Variants in GPR158 observed in about 807,000 individuals in gnomAD.
GPR158 encodes metabotropic glycine receptor.
A neutral mutation model predicts 78.2 loss-of-function variants in GPR158; 30 were observed. That is an observed-to-expected ratio of 0.38 (90% CI 0.29 to 0.52). The LOEUF (loss-of-function observed/expected upper bound fraction) is 0.52. Ranked by LOEUF, GPR158 falls within the 20% of genes least tolerant of loss-of-function variation. The pLI, the probability that GPR158 is intolerant of heterozygous loss-of-function variation, is 0.83. For synonymous variants in GPR158, 581 were observed against 591.1 expected (o/e 0.98, Z 0.25); for missense variants, 1,463 against 1,523.5 (o/e 0.96, Z 0.66).
In GPR158 at chr10:25,351,107, T is replaced by G. The variant is rs993728121; in HGVS notation, c.1009-44804T>G. On this transcript the variant is annotated intron_variant, in intron 2 of 10. Coordinates refer to ENST00000376351, the MANE Select transcript of GPR158 (RefSeq NM_020752.3). ...CAGCCTGTGAGCCTGAACGCGTGGC[T>G]ATTTATAGAGAAGGGCAGGCACCCC... 1.1e-4 allele frequency among the ~76,000 whole-genome samples: 16 copies of G among 152,120 alleles called. No homozygotes were observed. The East Asian group carries it at 2.1e-3, about 20-fold the overall frequency.
rs368827929 is a variant in GPR158 at position 25,268,069 on chromosome 10, C to A, written c.1008+46912C>A. Among the ~76,000 whole-genome samples, 30 of 151,872 alleles carry A rather than the reference C, an allele frequency of 2.0e-4. No homozygotes were observed. The East Asian group carries it at 5.6e-3, about 28-fold the overall frequency. ...CAAGTCTTTTTTTTGCAAGCAGTAA[C>A]CTTAAGTGGAATGCATGCAAAGTGT... On this transcript the variant is annotated intron_variant, in intron 2 of 10. Coordinates refer to ENST00000376351, the MANE Select transcript of GPR158 (RefSeq NM_020752.3).
intron 4 of GPR158, among the ~76,000 whole-genome samples, chr10:25,453,468 G>A (rs1319618552): frequency 6.6e-6 from 1 of 151,994 alleles, no homozygotes; most frequent in East Asian, 1.9e-4. Context: ...TTGTATCTTT[G>A]TTTTTCTTCA....
At chr10:25,581,049 C>T (rs977468201) in intron 7 of GPR158, among the ~76,000 whole-genome samples, 8 of 149,856 alleles carry the variant, frequency 5.3e-5, no homozygotes, top group Non-Finnish European at 8.9e-5. Context: ...CTCAGCCTCC[C>T]GAGTAGCTGG....
intron 2 of GPR158, among the ~76,000 whole-genome samples, chr10:25,255,560 C>G (rs538965030): frequency 1.1e-4 from 17 of 152,242 alleles, no homozygotes; most frequent in African/African-American, 3.9e-4. Context: ...GAATTAACTC[C>G]CTTGTGGTTA....
At chr10:25,363,424 G>A (rs943959427) in intron 2 of GPR158, among the ~76,000 whole-genome samples, 2 of 151,886 alleles carry the variant, frequency 1.3e-5, no homozygotes, top group Non-Finnish European at 2.9e-5. Context: ...GACCTAAGAT[G>A]AATTGTTACT....
At chr10:25,546,053 G>A (rs1225920751) in intron 5 of GPR158, among the ~76,000 whole-genome samples, 1 of 152,134 alleles carries the variant, frequency 6.6e-6, no homozygotes, top group East Asian at 1.9e-4. Context: ...GAGGGATGCT[G>A]GAGAGAGTCA....
chr10:25,328,441 T>C (rs1855066532), intron 2 of GPR158, among the ~76,000 whole-genome samples: 1 of 152,140 alleles, frequency 6.6e-6, no homozygotes, highest in South Asian at 2.1e-4. Flanking sequence ...ATAATATATA[T>C]GTACTAACAT....
chr10:25,298,483 C>T (rs1045092572), intron 2 of GPR158, among the ~76,000 whole-genome samples: 1 of 152,140 alleles, frequency 6.6e-6, no homozygotes, highest in African/African-American at 2.4e-5. Context: ...AATATTAATG[C>T]ATATTTTAAA....
chr10:25,411,174 T>A (rs1834579981), intron 3 of GPR158, among the ~76,000 whole-genome samples: 1 of 151,854 alleles, frequency 6.6e-6, no homozygotes, highest in Admixed American at 6.6e-5. Context: ...TTAAAGATAA[T>A]CTTTACCTGT....
intron 6 of GPR158, among the ~76,000 whole-genome samples, chr10:25,566,419 A>C (rs1260709415): frequency 6.6e-6 from 1 of 152,178 alleles, no homozygotes; most frequent in Non-Finnish European, 1.5e-5. Flanking sequence ...GCCCCTACTC[A>C]ACCCAGGAAG....
At chr10:25,291,237 C>T (rs999067797) in intron 2 of GPR158, among the ~76,000 whole-genome samples, 1 of 151,496 alleles carries the variant, frequency 6.6e-6, no homozygotes, top group Non-Finnish European at 1.5e-5. Flanking sequence ...AAGGGAAGGG[C>T]AGGATAAAAT....
At chr10:25,546,080 GC>G (rs778615671) in intron 5 of GPR158, among the ~76,000 whole-genome samples, 36 of 152,110 alleles carry the variant, frequency 2.4e-4, no homozygotes, top group Non-Finnish European at 4.6e-4. Flanking sequence ...CCCGCCCTGA[GC>G]TGAGACATGC....
chr10:25,296,852 A>G (rs74920365), intron 2 of GPR158, among the ~76,000 whole-genome samples: 5,523 of 152,290 alleles, frequency 0.036, 340 homozygotes, highest in African/African-American at 0.13. Flanking sequence ...TTCCAGGCTG[A>G]ATCCACTGCC....
intron 5 of GPR158, among the ~76,000 whole-genome samples, chr10:25,485,422 G>T (rs1238730011): frequency 6.6e-6 from 1 of 151,976 alleles, no homozygotes; most frequent in Non-Finnish European, 1.5e-5. Context: ...ACCCTAAAAA[G>T]ATCCAGAGCC....
intron 2 of GPR158, among the ~76,000 whole-genome samples, chr10:25,311,873 C>T (rs1352788293): frequency 6.6e-6 from 1 of 151,778 alleles, no homozygotes; most frequent in Non-Finnish European, 1.5e-5. Context: ...GCTAAGAAAA[C>T]CCTATGTTTT....
chr10:25,594,479 G>A, intron 9 of GPR158, 82 bp downstream of exon 9: 1 of 570,396 alleles, frequency 1.8e-6, no homozygotes, highest in Non-Finnish European at 3.1e-6. Context: ...GCAAAAGGAG[G>A]TATGGAAATT....
At chr10:25,258,981 C>T (rs571999333) in intron 2 of GPR158, among the ~76,000 whole-genome samples, 1 of 152,198 alleles carries the variant, frequency 6.6e-6, no homozygotes, top group South Asian at 2.1e-4. Flanking sequence ...AGAGAAAATA[C>T]ATTTTTTATT....
intron 2 of GPR158, chr10:25,393,437 T>C (rs1374682157): frequency 3.9e-5 from 6 of 152,226 alleles, no homozygotes; most frequent in Admixed American, 3.9e-4. Context: ...GAATATTTAG[T>C]AAATCTAACT....
At chr10:25,252,530 A>G (rs1214867155) in intron 2 of GPR158, among the ~76,000 whole-genome samples, 1 of 150,538 alleles carries the variant, frequency 6.6e-6, no homozygotes, top group Non-Finnish European at 1.5e-5. Context: ...TTTCCTTCTA[A>G]CAGACAGGAC....
Sources: allele counts gnomAD v4.1 joint callset (sites outside exome capture counted in the v4.1 genomes callset), GRCh38; gene constraint gnomAD v4.1.1; transcripts MANE v1.5; gene names NCBI Gene and HGNC (gene_info 2026-07-23, HGNC 2026-07-21).